Variants in DYNC1I1 observed in about 807,000 individuals in gnomAD.
DYNC1I1 encodes dynein cytoplasmic 1 intermediate chain 1.
DYNC1I1 carries 43 observed loss-of-function variants against 86.6 expected under a neutral mutation model. The observed-to-expected ratio is 0.50, with a 90% CI of 0.39 to 0.64. The LOEUF (loss-of-function observed/expected upper bound fraction) is 0.64. Ranked by LOEUF, DYNC1I1 falls within the 30% of genes least tolerant of loss-of-function variation. The pLI is 0.00. For synonymous variants in DYNC1I1, 262 were observed against 283.7 expected, an observed-to-expected ratio of 0.92 and a Z score of 0.77; for missense variants, 604 against 788.8, an observed-to-expected ratio of 0.77 and a Z score of 2.81.
In DYNC1I1 at chr7:95,867,699, C is replaced by T. The variant is rs1166765707; in HGVS notation, c.375-2184C>T. On this transcript the variant is annotated intron_variant, in intron 5 of 16. Transcript: ENST00000447467. ...TAACCAGAGCTGGAGCTCCCTGGGT[C>T]TCATGCAGGTGCCCAGGGCAGTTGA... Among the ~76,000 whole-genome samples the T allele has an allele frequency of 3.9e-5, 6 of 152,268 alleles. No individual in the cohort carries two copies. In the East Asian group the frequency reaches 1.2e-3, roughly 29 times the overall value.
At chr7:96,074,354 C>G (rs911805384) in intron 14 of DYNC1I1, among the ~76,000 whole-genome samples, 4 of 152,024 alleles carry the variant, frequency 2.6e-5, no homozygotes, top group African/African-American at 9.7e-5. Context: ...TCGAGACCAT[C>G]CTGGCTAACA....
At chr7:96,043,272 G>C (rs567519372) in intron 14 of DYNC1I1, among the ~76,000 whole-genome samples, 1 of 151,664 alleles carries the variant, frequency 6.6e-6, no homozygotes, top group South Asian at 2.1e-4. Context: ...TGATAATATT[G>C]TAAAAATAGA....
intron 5 of DYNC1I1, among the ~76,000 whole-genome samples, chr7:95,832,858 T>G (rs1338083697): frequency 6.6e-6 from 1 of 152,256 alleles, no homozygotes; most frequent in Admixed American, 6.5e-5. Flanking sequence ...TATCGTAGAT[T>G]CTGGATATTA....
At chr7:95,879,067 A>G (rs1790383323) in intron 6 of DYNC1I1, among the ~76,000 whole-genome samples, 1 of 152,158 alleles carries the variant, frequency 6.6e-6, no homozygotes, top group Non-Finnish European at 1.5e-5. Context: ...GTAGTCACAG[A>G]CCCACCTTAC....
rs541970012 is a variant in DYNC1I1, at chr7:95,909,649, C to T, written c.490+39651C>T. Among the ~76,000 whole-genome samples, 77 of 152,224 alleles carry T rather than the reference C, an allele frequency of 5.1e-4. 1 individual carries two copies. The highest frequency in any genetic ancestry group is 1.8e-3 in the African/African-American group (75 of 41,536). ...AATCGCATCACCCCCTTGCTTAAAACCCTTCCGTGGTATCTGGTGCTCTTT... is the reference window on the plus strand; with the variant it reads ...AATCGCATCACCCCCTTGCTTAAAATCCTTCCGTGGTATCTGGTGCTCTTT... On this transcript the variant is annotated intron_variant, in intron 6 of 16. Coordinates refer to ENST00000447467, the MANE Select transcript of DYNC1I1 (RefSeq NM_001135556.2).
intron 7 of DYNC1I1, among the ~76,000 whole-genome samples, chr7:95,977,928 G>C (rs73708439): frequency 0.011 from 1,743 of 152,252 alleles, 31 homozygotes; most frequent in African/African-American, 0.04. Flanking sequence ...TAACAGTAAA[G>C]CAAAGGACTA....
At chr7:95,884,858 T>C (rs1790552206) in intron 6 of DYNC1I1, among the ~76,000 whole-genome samples, 1 of 152,036 alleles carries the variant, frequency 6.6e-6, no homozygotes, top group Non-Finnish European at 1.5e-5. Context: ...CAGTATTCTC[T>C]GTTTCTCCTC....
chr7:96,069,517 T>C (rs1419417594), intron 14 of DYNC1I1, among the ~76,000 whole-genome samples: 2 of 152,234 alleles, frequency 1.3e-5, no homozygotes, highest in African/African-American at 4.8e-5. Flanking sequence ...AGAGCATCCT[T>C]GCTTGCTTAC....
Position 95,874,675 on chromosome 7 carries a change from C to T in DYNC1I1, c.490+4677C>T, listed in dbSNP as rs561764546. Among the ~76,000 whole-genome samples, 171 of 151,670 alleles carry T rather than the reference C, an allele frequency of 1.1e-3. No homozygotes were observed. The East Asian group carries it at 0.02, about 17-fold the overall frequency. ...AGAGAGAGAGAGAGAGATCTTTCTCCCTGTGTGTGTGTTCACCGAGGAAAG... is the reference window on the plus strand; with the variant it reads ...AGAGAGAGAGAGAGAGATCTTTCTCTCTGTGTGTGTGTTCACCGAGGAAAG... On this transcript the variant is annotated intron_variant, in intron 6 of 16. Coordinates refer to ENST00000447467, the MANE Select transcript of DYNC1I1 (RefSeq NM_001135556.2).
intron 6 of DYNC1I1, among the ~76,000 whole-genome samples, chr7:95,939,763 T>C (rs553332326): frequency 1.0e-3 from 158 of 152,314 alleles, no homozygotes; most frequent in Non-Finnish European, 1.9e-3. Flanking sequence ...TTTGCCAGTC[T>C]GTTTCTTTTA....
chr7:95,926,409 A>G (rs1791746393), intron 6 of DYNC1I1, among the ~76,000 whole-genome samples: 1 of 152,202 alleles, frequency 6.6e-6, no homozygotes, highest in Non-Finnish European at 1.5e-5. Flanking sequence ...ATACATTACA[A>G]AAATGTATGT....
intron 16 of DYNC1I1, among the ~76,000 whole-genome samples, chr7:96,083,596 A>G (rs1207253040): frequency 6.6e-6 from 1 of 152,114 alleles, no homozygotes; most frequent in Admixed American, 6.5e-5. Context: ...AGCCTTCCAA[A>G]TCACCTAAAC....
intron 6 of DYNC1I1, among the ~76,000 whole-genome samples, chr7:95,968,824 C>CTGTGTGTGTGTGTG (rs56022930): frequency 1.7e-3 from 162 of 94,386 alleles, no homozygotes; most frequent in Admixed American, 2.0e-3. Context: ...ATTTTTTGCT[C>CTGTGTGTGTGTGTG]TGTGTGTGTG....
chr7:96,093,068 A>G (rs769909777), intron 16 of DYNC1I1, among the ~76,000 whole-genome samples: 51 of 152,268 alleles, frequency 3.3e-4, no homozygotes, highest in South Asian at 4.1e-4. Context: ...TCACATAACA[A>G]TCAGAATTAA....
chr7:95,789,211 G>A (rs181344261), intron 1 of DYNC1I1, among the ~76,000 whole-genome samples: 1 of 152,310 alleles, frequency 6.6e-6, no homozygotes, highest in Non-Finnish European at 1.5e-5. Context: ...GGCCAGGGTA[G>A]GGAATTTGCA....
At chr7:96,049,981 C>T (rs1789349810) in intron 14 of DYNC1I1, among the ~76,000 whole-genome samples, 1 of 150,680 alleles carries the variant, frequency 6.6e-6, no homozygotes, top group African/African-American at 2.5e-5. Context: ...TGCAGTGAGC[C>T]GCTGCACTCC....
At chr7:95,889,496 C>T (rs994230458) in intron 6 of DYNC1I1, among the ~76,000 whole-genome samples, 76 of 152,216 alleles carry the variant, frequency 5.0e-4, no homozygotes, top group Middle Eastern at 3.4e-3. Flanking sequence ...TATAAAAGCC[C>T]TGAAAGTTAA....
At chr7:95,933,859 A>G (rs932601409) in intron 6 of DYNC1I1, among the ~76,000 whole-genome samples, 2 of 152,070 alleles carry the variant, frequency 1.3e-5, no homozygotes, top group Admixed American at 1.3e-4. Context: ...TTTTGAGCCT[A>G]GTGGTGGTAA....
chr7:95,986,365 G>A (rs1440794540), intron 8 of DYNC1I1, among the ~76,000 whole-genome samples: 2 of 152,154 alleles, frequency 1.3e-5, no homozygotes, highest in Non-Finnish European at 2.9e-5. Flanking sequence ...AGCTTGTGGA[G>A]CAGCTGCATA....
Sources: allele counts gnomAD v4.1 joint callset (sites outside exome capture counted in the v4.1 genomes callset), GRCh38; gene constraint gnomAD v4.1.1; transcripts MANE v1.5; gene names NCBI Gene and HGNC (gene_info 2026-07-23, HGNC 2026-07-21).